Variants in INSC observed in about 807,000 individuals in gnomAD.
INSC encodes protein inscuteable homolog.
Under a neutral mutation model 58.6 loss-of-function variants are expected in INSC, and 67 were observed. The observed-to-expected ratio is 1.14, with a 90% CI of 0.94 to 1.40. The LOEUF (loss-of-function observed/expected upper bound fraction) is 1.40. Among genes scored for constraint, INSC ranks in the 40% most tolerant of loss-of-function variants. INSC has a pLI of 0.00. For missense variants in INSC, 714 were observed against 692.0 expected (o/e 1.03, Z -0.36); for synonymous variants, 262 against 276.1 (o/e 0.95, Z 0.51).
rs756361001 is a variant in INSC at position 15,200,850 on chromosome 11, G to A, written c.720G>A (p.Lys240=). The A allele has an allele frequency of 1.2e-6, 2 of 1,614,034 alleles. No homozygotes were observed. The highest frequency in any genetic ancestry group is 2.2e-5 in the South Asian group (2 of 91,076). The stretch of plus-strand genomic sequence containing the variant: ...AGGGTGGGGTCGTAGCACTCTTCAA[G>A]GTTTGCCGGCAGGACAGTTTCCGGT... ...AKEGGVVALF[K]VCRQDSFRCL... Residue 240 remains lysine (K), a synonymous_variant, in exon 7 of 13, where the codon AAG becomes AAA. Coordinates refer to ENST00000379556, the MANE Select transcript of INSC (RefSeq NM_001042536.3).
intron 1 of INSC, among the ~76,000 whole-genome samples, chr11:15,148,175 C>T (rs1349443402): frequency 1.3e-5 from 2 of 152,178 alleles, no homozygotes; most frequent in Non-Finnish European, 2.9e-5. Context: ...TCCCTGGAAC[C>T]TGGGTTACTC....
chr11:15,254,031 A>T, the INSC span, among the ~76,000 whole-genome samples: 1 of 152,184 alleles, frequency 6.6e-6, no homozygotes, highest in African/African-American at 2.4e-5. Context: ...GTATGGAGCT[A>T]ATGCTGATGG....
At chr11:15,245,689 A>G (rs1304850296) in intron 12 of INSC, among the ~76,000 whole-genome samples, 1 of 152,230 alleles carries the variant, frequency 6.6e-6, no homozygotes, top group Non-Finnish European at 1.5e-5. Flanking sequence ...TATCTTAGTG[A>G]TCAAGGTGCA....
At chr11:15,165,414 A>C (rs976374199) in intron 2 of INSC, among the ~76,000 whole-genome samples, 11 of 152,326 alleles carry the variant, frequency 7.2e-5, no homozygotes, top group African/African-American at 2.6e-4. Flanking sequence ...AATAATCACC[A>C]AAAGCCCAGA....
upstream of INSC, chr11:15,112,656 G>GC (rs1322948092): frequency 8.3e-6 from 2 of 239,526 alleles, no homozygotes; most frequent in Admixed American, 5.6e-5. Flanking sequence ...GTGGGGGGGG[G>GC]GCATTTATGC....
chr11:15,190,978 A>ATTTTT (rs5789865), intron 6 of INSC, among the ~76,000 whole-genome samples, 164 bp downstream of exon 6: 7 of 128,666 alleles, frequency 5.4e-5, no homozygotes, highest in Admixed American at 1.6e-4. Flanking sequence ...TGGTGTGTGC[A>ATTTTT]TTTTTTTTTT....
downstream of INSC, among the ~76,000 whole-genome samples, chr11:15,247,622 C>T (rs1377789178): frequency 6.6e-6 from 1 of 151,618 alleles, no homozygotes; most frequent in Admixed American, 6.6e-5. Context: ...ACAGAGGAAA[C>T]TCATTTTACA....
At chr11:15,250,584 TTA>T (rs1852640187), downstream of INSC, among the ~76,000 whole-genome samples, 1 of 152,192 alleles carries the variant, frequency 6.6e-6, no homozygotes, top group African/African-American at 2.4e-5. Context: ...TTGACAGTCC[TTA>T]GGATTATGAA....
chr11:15,242,249 G>C (rs534405010), intron 12 of INSC, among the ~76,000 whole-genome samples: 14 of 152,316 alleles, frequency 9.2e-5, no homozygotes, highest in African/African-American at 3.1e-4. Context: ...AGATATGAAG[G>C]CTTGTGATTA....
chr11:15,156,624 G>A (rs1038844856), intron 2 of INSC, among the ~76,000 whole-genome samples: 1 of 152,170 alleles, frequency 6.6e-6, no homozygotes, highest in African/African-American at 2.4e-5. Flanking sequence ...TAGCTTTATT[G>A]CCACTATTAA....
At chr11:15,261,421 A>G in the INSC span, among the ~76,000 whole-genome samples, 1 of 152,176 alleles carries the variant, frequency 6.6e-6, no homozygotes, top group Non-Finnish European at 1.5e-5. Flanking sequence ...TCTAATCTTT[A>G]AAGTATAAAG....
At chr11:15,263,266 G>C in the INSC span, among the ~76,000 whole-genome samples, 1 of 152,222 alleles carries the variant, frequency 6.6e-6, no homozygotes, top group Admixed American at 6.5e-5. Flanking sequence ...TTCCAGAAGA[G>C]GAGGAGAGAA....
chr11:15,145,075 T>G (rs1163285871), intron 1 of INSC, among the ~76,000 whole-genome samples: 1 of 152,192 alleles, frequency 6.6e-6, no homozygotes, highest in African/African-American at 2.4e-5. Flanking sequence ...TTCACCTCTC[T>G]TCCTGGGAAA....
At chr11:15,158,975 C>A (rs959772632) in intron 2 of INSC, among the ~76,000 whole-genome samples, 2 of 145,524 alleles carry the variant, frequency 1.4e-5, no homozygotes, top group Non-Finnish European at 3.0e-5. Context: ...TTGTTCTGAG[C>A]AGGCCCATGG....
chr11:15,267,749 A>G, the INSC span, among the ~76,000 whole-genome samples: 1 of 151,786 alleles, frequency 6.6e-6, no homozygotes, highest in Non-Finnish European at 1.5e-5. Context: ...GTTTCTATTG[A>G]TGGAGTTTTC....
At chr11:15,169,975 C>T (rs931086685) in intron 2 of INSC, among the ~76,000 whole-genome samples, 1 of 152,138 alleles carries the variant, frequency 6.6e-6, no homozygotes, top group Admixed American at 6.5e-5. Context: ...CCAGGACTTC[C>T]CACAGTTACG....
chr11:15,237,208 CAGAG>C (rs1283661744), intron 10 of INSC, among the ~76,000 whole-genome samples: 1 of 152,158 alleles, frequency 6.6e-6, no homozygotes, highest in Non-Finnish European at 1.5e-5. Context: ...ACAGTCTAGA[CAGAG>C]AGCACAACTT....
the INSC span, among the ~76,000 whole-genome samples, chr11:15,269,360 C>T: frequency 6.6e-6 from 1 of 151,922 alleles, no homozygotes; most frequent in East Asian, 1.9e-4. Context: ...ATACTATTGC[C>T]TCTTTTTCCT....
At chr11:15,149,311 T>C in intron 2 of INSC, 81 bp downstream of exon 2, 2 of 1,332,106 alleles carry the variant, frequency 1.5e-6, no homozygotes, top group Non-Finnish European at 9.8e-7. Context: ...ATCCTGAGGC[T>C]GCAGGTGACC....
Sources: gnomAD v4.1 joint callset for allele counts (sites outside exome capture counted in the v4.1 genomes callset) on GRCh38, gnomAD v4.1.1 for gene constraint, MANE v1.5 for transcripts, NCBI Gene and HGNC (gene_info 2026-07-23, HGNC 2026-07-21) for gene names.